Variants in RNF128 observed in about 807,000 individuals in gnomAD.
RNF128 encodes ring finger protein 128, also known as E3 ubiquitin-protein ligase RNF128.
In RNF128, 13 loss-of-function variants were observed where a neutral mutation model predicts 26.2. The ratio of observed to expected loss-of-function variants is 0.50; its 90% CI spans 0.32 to 0.79. RNF128 has a LOEUF of 0.79. RNF128 is among the 30% of genes least tolerant of loss of function. RNF128 has a pLI of 0.03. For missense variants in RNF128, 315 were observed against 349.7 expected, an observed-to-expected ratio of 0.90 and a Z score of 0.79; for synonymous variants, 149 against 142.5, an observed-to-expected ratio of 1.05 and a Z score of -0.32.
chrX:106,722,150 A>G (rs1302572280), upstream of RNF128, among the ~76,000 whole-genome samples: 1 of 110,460 alleles, frequency 9.1e-6, no homozygotes, highest in Non-Finnish European at 1.9e-5. Context: ...AGGAGGGTGG[A>G]AGGAAGAAGA....
At chrX:106,788,051 A>G in intron 4 of RNF128, 51 bp downstream of exon 4, 4 of 705,839 alleles carry the variant, frequency 5.7e-6, no homozygotes, top group Non-Finnish European at 8.3e-6. Context: ...ACCCACAAAA[A>G]TGACTGTGAT....
At chrX:106,780,337 C>T (rs1232503660) in intron 2 of RNF128, among the ~76,000 whole-genome samples, 1 of 110,923 alleles carries the variant, frequency 9.0e-6, no homozygotes, top group Non-Finnish European at 1.9e-5. Context: ...GACATTTTAT[C>T]ATCAACCCCA....
intron 1 of RNF128, among the ~76,000 whole-genome samples, chrX:106,716,458 C>T (rs1264218715): frequency 8.9e-6 from 1 of 111,822 alleles, no homozygotes; most frequent in Non-Finnish European, 1.9e-5. Flanking sequence ...ACTATAAAGG[C>T]ATAGCATGAG....
intron 1 of RNF128, among the ~76,000 whole-genome samples, chrX:106,750,358 A>G (rs1009780073): frequency 8.9e-6 from 1 of 112,139 alleles, no homozygotes; most frequent in Non-Finnish European, 1.9e-5. Context: ...AATGGTGAAG[A>G]GCAGAGATAC....
intron 1 of RNF128, among the ~76,000 whole-genome samples, chrX:106,721,482 T>C (rs1929310776): frequency 8.9e-6 from 1 of 112,500 alleles, no homozygotes; most frequent in Middle Eastern, 4.6e-3. Flanking sequence ...TGCAGAATGC[T>C]GCTCTGTTTA....
chrX:106,745,342 A>T (rs971699168), intron 1 of RNF128, among the ~76,000 whole-genome samples: 2 of 111,776 alleles, frequency 1.8e-5, no homozygotes, highest in African/African-American at 6.5e-5. Flanking sequence ...CCAAAAGATG[A>T]TCTGTGATAA....
intron 2 of RNF128, among the ~76,000 whole-genome samples, chrX:106,784,719 G>A (rs768453795): frequency 9.0e-6 from 1 of 111,643 alleles, no homozygotes; most frequent in Admixed American, 9.6e-5. Flanking sequence ...GAAAAAAAAT[G>A]CATATTAATG....
intron 1 of RNF128, among the ~76,000 whole-genome samples, chrX:106,701,629 A>C (rs1404141455): frequency 1.8e-5 from 2 of 111,652 alleles, no homozygotes; most frequent in Non-Finnish European, 3.8e-5. Context: ...TATTTTCCAA[A>C]TACAATTTTA....
chrX:106,729,304 C>T (rs1929461944), intron 1 of RNF128, among the ~76,000 whole-genome samples: 1 of 111,093 alleles, frequency 9.0e-6, no homozygotes, highest in Admixed American at 9.6e-5. Context: ...GGATTTACCA[C>T]ACAATAGCTT....
At chrX:106,724,957 A>G (rs1250272494), upstream of RNF128, among the ~76,000 whole-genome samples, 3 of 112,638 alleles carry the variant, frequency 2.7e-5, no homozygotes, top group African/African-American at 6.4e-5. Context: ...TAAGAAAATA[A>G]TGAATGGAAA....
chrX:106,763,877 A>T (rs188027608), intron 1 of RNF128, among the ~76,000 whole-genome samples: 33 of 111,952 alleles, frequency 2.9e-4, no homozygotes, highest in African/African-American at 1.0e-3. Flanking sequence ...ACTGAAGCAC[A>T]GCATTGTTGC....
intron 2 of RNF128, among the ~76,000 whole-genome samples, chrX:106,783,970 G>A (rs747344514): frequency 4.5e-5 from 5 of 110,839 alleles, no homozygotes; most frequent in Non-Finnish European, 9.5e-5. Flanking sequence ...CTCCCACCAC[G>A]CCCCACCTCC....
Position 106,766,118 on chromosome X carries a change from A to T in RNF128, c.485-6795A>T, listed in dbSNP as rs756257109. ...ATTTTCTTAATCCAGTCTATTATTGAAGGACATTTGGGTTGGTTCCAAGTC... is the reference window on the plus strand; with the variant it reads ...ATTTTCTTAATCCAGTCTATTATTGTAGGACATTTGGGTTGGTTCCAAGTC... On this transcript the variant is annotated intron_variant, in intron 1 of 6. Transcript: ENST00000255499. 1.3e-4 allele frequency among the ~76,000 whole-genome samples: 15 copies of T among 111,861 alleles called. No homozygotes were observed. In the South Asian group the frequency reaches 5.3e-3, roughly 40 times the overall value.
At chrX:106,725,971 G>C (rs1484429734), upstream of RNF128, among the ~76,000 whole-genome samples, 2 of 113,292 alleles carry the variant, frequency 1.8e-5, no homozygotes, top group Non-Finnish European at 3.7e-5. Context: ...TTCAGTTAGT[G>C]GGAAATGGAG....
intron 2 of RNF128, among the ~76,000 whole-genome samples, chrX:106,782,108 G>A (rs1315921947): frequency 2.7e-5 from 3 of 112,425 alleles, no homozygotes; most frequent in Non-Finnish European, 5.6e-5. Context: ...ATTTTGCAAT[G>A]AGAAATCAGA....
At chrX:106,716,423 G>A (rs1042249266) in intron 1 of RNF128, among the ~76,000 whole-genome samples, 5 of 111,715 alleles carry the variant, frequency 4.5e-5, no homozygotes, top group African/African-American at 1.6e-4. Context: ...TAGTTACCAG[G>A]GATTAAAAGT....
intron 4 of RNF128, among the ~76,000 whole-genome samples, chrX:106,788,535 A>C (rs1226322634): frequency 6.8e-5 from 4 of 58,942 alleles, no homozygotes; most frequent in African/African-American, 2.8e-4. Flanking sequence ...AATATGTATT[A>C]TATATTAAAT....
intron 1 of RNF128, among the ~76,000 whole-genome samples, chrX:106,748,849 G>C (rs1466060773): frequency 1.8e-5 from 2 of 111,438 alleles, no homozygotes; most frequent in African/African-American, 6.5e-5. Flanking sequence ...CAATAATACA[G>C]TAGTGAATAA....
At chrX:106,752,111 A>G (rs754495516) in intron 1 of RNF128, among the ~76,000 whole-genome samples, 1 of 111,051 alleles carries the variant, frequency 9.0e-6, no homozygotes, top group East Asian at 2.9e-4. Context: ...TTCTAGACCC[A>G]CCCTGGGCCA....
Sources: gnomAD v4.1 joint callset for allele counts (sites outside exome capture counted in the v4.1 genomes callset) on GRCh38, gnomAD v4.1.1 for gene constraint, MANE v1.5 for transcripts, NCBI Gene and HGNC (gene_info 2026-07-23, HGNC 2026-07-21) for gene names.